The following LRFN2 variants were observed in gnomAD, a reference collection of about 807,000 sequenced individuals.
LRFN2 encodes the protein leucine rich repeat and fibronectin type III domain containing 2.
LRFN2 carries 18 observed loss-of-function variants against 37.3 expected under a neutral mutation model. The ratio of observed to expected loss-of-function variants is 0.48; its 90% confidence interval spans 0.33 to 0.72. The LOEUF (loss-of-function observed/expected upper bound fraction) is 0.72. Among genes scored for constraint, LRFN2 ranks in the 30% least tolerant of loss-of-function variants. The pLI is 0.02. For synonymous variants in LRFN2, 556 were observed against 466.6 expected (o/e 1.19, Z -2.47); for missense variants, 1,006 against 1,060.7 (o/e 0.95, Z 0.72).
At chr6:40,399,604 A>T (rs1581676552) in intron 2 of LRFN2, among the ~76,000 whole-genome samples, 1 of 151,046 alleles carries the variant, frequency 6.6e-6, no homozygotes, top group Middle Eastern at 3.4e-3. Flanking sequence ...AGCCTGGCTA[A>T]TTTTTTGTAT....
chr6:40,564,157 G>A (rs1156718713), intron 1 of LRFN2, among the ~76,000 whole-genome samples: 1 of 152,164 alleles, frequency 6.6e-6, no homozygotes, highest in Non-Finnish European at 1.5e-5. Flanking sequence ...GTTCAGCTGA[G>A]TCTTAGGTCT....
chr6:40,413,203 G>A (rs529559660), intron 2 of LRFN2, among the ~76,000 whole-genome samples: 3 of 152,284 alleles, frequency 2.0e-5, no homozygotes, highest in Admixed American at 6.5e-5. Flanking sequence ...CATGGCTCCC[G>A]CAGCTCTGAT....
At position 40,392,525 on chromosome 6, in the gene LRFN2, C is replaced by G; in HGVS notation, c.1788G>C (p.Pro596=). ...GCACCACCACCTTCGGCGGGCCCTG[C>G]GGCGGGGCCCCGGCTGGTGCGCTGC... is the stretch of plus-strand genomic sequence containing the variant. ...PPSSAPAGAP[P]QGPPKVVVRN... Residue 596 remains proline, a synonymous_variant, in exon 3 of 3, where the codon CCG becomes CCC. Coordinates refer to ENST00000338305, the MANE Select transcript of LRFN2 (RefSeq NM_020737.3). This position sits in a 1 kb window ranked among gnomAD's most constrained non-coding sequence, Gnocchi z 4.7. 1 of 1,586,846 alleles carries G rather than the reference C, an allele frequency of 6.3e-7. No individual in the cohort carries two copies. The highest frequency in any genetic ancestry group is 2.3e-5 in the East Asian group (1 of 43,194).
intron 1 of LRFN2, among the ~76,000 whole-genome samples, chr6:40,537,875 C>A (rs1217831876): frequency 6.6e-6 from 1 of 152,004 alleles, no homozygotes; most frequent in African/African-American, 2.4e-5. Flanking sequence ...CTTTAATGCT[C>A]CAGCTGCAAT....
Position 40,487,789 on chromosome 6 carries a change from G to A in LRFN2, c.-18-54658C>T, listed in dbSNP as rs188468336. ...ACTGTGTATTTCCACATGGAGTGCC[G>A]CTGCCCACCCTTCCCAGCTGTCTGC... is the stretch of plus-strand genomic sequence containing the variant. On this transcript the variant is annotated intron_variant, in intron 1 of 2. Transcript: ENST00000338305. 6.6e-5 allele frequency among the ~76,000 whole-genome samples: 10 copies of A among 152,342 alleles called. No individual in the cohort carries two copies. The South Asian group carries it at 1.0e-3, about 16-fold the overall frequency.
intron 2 of LRFN2, among the ~76,000 whole-genome samples, chr6:40,412,657 A>G (rs527315940): frequency 3.3e-5 from 5 of 151,932 alleles, no homozygotes; most frequent in Admixed American, 1.3e-4. Flanking sequence ...TAATTTCCAG[A>G]CTCATTCACT....
rs150247396 is a variant in LRFN2 at position 40,521,758 on chromosome 6, C to T, written c.-19+65183G>A. ...TTGACCCACCTCCTCTTATCAATCT[C>T]CTACATCTTGGAATAGAACAGAATA... On this transcript the variant is annotated intron_variant, in intron 1 of 2. Transcript: ENST00000338305. Among the ~76,000 whole-genome samples the T allele has an allele frequency of 1.8e-3, 269 of 152,214 alleles. 8 individuals are homozygous for T. In the Middle Eastern group the frequency reaches 0.079, roughly 45 times the overall value.
At chr6:40,534,176 G>A (rs928988279) in intron 1 of LRFN2, among the ~76,000 whole-genome samples, 1 of 152,150 alleles carries the variant, frequency 6.6e-6, no homozygotes, top group Non-Finnish European at 1.5e-5. Flanking sequence ...CAGGAACACT[G>A]AGACCCAGTG....
intron 1 of LRFN2, among the ~76,000 whole-genome samples, chr6:40,484,007 A>C (rs1764894295): frequency 6.6e-6 from 1 of 152,054 alleles, no homozygotes; most frequent in Admixed American, 6.5e-5. Flanking sequence ...CTTAGCATAC[A>C]CAGTAGGCAG....
intron 1 of LRFN2, among the ~76,000 whole-genome samples, chr6:40,461,578 C>G (rs1284012690): frequency 6.8e-6 from 1 of 146,144 alleles, no homozygotes; most frequent in Non-Finnish European, 1.5e-5. Context: ...AGCCACCCCC[C>G]TCCCCCCGAC....
chr6:40,523,576 C>T (rs543533783), intron 1 of LRFN2, among the ~76,000 whole-genome samples: 1 of 142,038 alleles, frequency 7.0e-6, no homozygotes, highest in Non-Finnish European at 1.5e-5. Flanking sequence ...GACTTTACCA[C>T]AGAGGCTACG....
intron 1 of LRFN2, among the ~76,000 whole-genome samples, chr6:40,469,783 T>G (rs1262787221): frequency 1.3e-5 from 2 of 152,158 alleles, no homozygotes; most frequent in Admixed American, 6.5e-5. Flanking sequence ...TACAGCTCTG[T>G]GTCCCTCCCT....
intron 2 of LRFN2, among the ~76,000 whole-genome samples, chr6:40,414,473 T>C (rs1246805998): frequency 6.6e-6 from 1 of 152,162 alleles, no homozygotes. Context: ...ACAGAAACCA[T>C]GTAGAACAGT....
chr6:40,548,728 C>A (rs772147043), intron 1 of LRFN2, among the ~76,000 whole-genome samples: 47 of 152,266 alleles, frequency 3.1e-4, no homozygotes, highest in Non-Finnish European at 4.7e-4. Flanking sequence ...GAATTCCTTC[C>A]AAGACTGTTG....
At chr6:40,521,916 G>T (rs944565587) in intron 1 of LRFN2, among the ~76,000 whole-genome samples, 7 of 152,238 alleles carry the variant, frequency 4.6e-5, no homozygotes, top group African/African-American at 1.7e-4. Context: ...TGAAGCAAAA[G>T]GTATGCTCCA....
chr6:40,475,742 C>A (rs1764695982), intron 1 of LRFN2, among the ~76,000 whole-genome samples: 2 of 152,094 alleles, frequency 1.3e-5, no homozygotes, highest in African/African-American at 2.4e-5. Flanking sequence ...TTCCAGGGGG[C>A]ACCATGCTTG....
intron 1 of LRFN2, among the ~76,000 whole-genome samples, chr6:40,509,635 G>A (rs1352753477): frequency 6.6e-6 from 1 of 152,064 alleles, no homozygotes. Flanking sequence ...GTGCCTGCAT[G>A]CGGGTATGCC....
chr6:40,466,663 T>C (rs1248963066), intron 1 of LRFN2, among the ~76,000 whole-genome samples: 3 of 152,122 alleles, frequency 2.0e-5, no homozygotes, highest in Non-Finnish European at 4.4e-5. Flanking sequence ...CACTTCCACT[T>C]CTTCATCCCT....
chr6:40,524,591 C>G (rs1420687702), intron 1 of LRFN2, among the ~76,000 whole-genome samples: 2 of 152,162 alleles, frequency 1.3e-5, no homozygotes, highest in Non-Finnish European at 2.9e-5. Flanking sequence ...CCGAGGCGCT[C>G]CTTCTCACTC....
Sources: allele counts gnomAD v4.1 joint callset (sites outside exome capture counted in the v4.1 genomes callset), GRCh38; gene constraint gnomAD v4.1.1; non-coding constraint Gnocchi (gnomAD v3.1); transcripts MANE v1.5; gene names NCBI Gene and HGNC (gene_info 2026-07-23, HGNC 2026-07-21).